Variants in ACBD6 observed in about 807,000 individuals in gnomAD.
ACBD6 encodes acyl-CoA-binding domain-containing protein 6.
ACBD6 carries 28 observed loss-of-function variants against 37.2 expected under a neutral mutation model. The ratio of observed to expected loss-of-function variants is 0.75; its 90% CI spans 0.56 to 1.03. The LOEUF (loss-of-function observed/expected upper bound fraction) is 1.03. ACBD6 is among the 50% of genes least tolerant of loss of function. The pLI is 0.00. For synonymous variants in ACBD6, 113 were observed against 126.8 expected, an observed-to-expected ratio of 0.89 and a Z score of 0.73; for missense variants, 340 against 337.4, an observed-to-expected ratio of 1.01 and a Z score of -0.06.
At chr1:180,272,864 T>A (rs541203452) in intron 12 of ACBD6, 2 of 152,218 alleles carry the variant, frequency 1.3e-5, no homozygotes. Flanking sequence ...CAACTGTGGA[T>A]GTGCTTGGGG....
At chr1:180,404,989 C>T (rs944794564) in intron 5 of ACBD6, among the ~76,000 whole-genome samples, 3 of 152,078 alleles carry the variant, frequency 2.0e-5, no homozygotes, top group Non-Finnish European at 4.4e-5. Flanking sequence ...TGCAAATAAG[C>T]GTAATAGACA....
At chr1:180,488,647 T>C (rs948732910) in intron 3 of ACBD6, among the ~76,000 whole-genome samples, 1 of 152,094 alleles carries the variant, frequency 6.6e-6, no homozygotes, top group South Asian at 2.1e-4. Flanking sequence ...CAATCATAGC[T>C]GACTGCAACC....
At chr1:180,374,623 A>G (rs1653369829) in intron 6 of ACBD6, among the ~76,000 whole-genome samples, 4 of 152,204 alleles carry the variant, frequency 2.6e-5, no homozygotes, top group Admixed American at 2.6e-4. Flanking sequence ...GTAATTCTTT[A>G]GAAAATCAAC....
intron 9 of ACBD6, among the ~76,000 whole-genome samples, chr1:180,280,997 T>C (rs1649290982): frequency 6.6e-6 from 1 of 152,238 alleles, no homozygotes; most frequent in Non-Finnish European, 1.5e-5. Flanking sequence ...ATCTTTCTTT[T>C]CAACATACTA....
chr1:180,367,633 C>T (rs11584482), intron 6 of ACBD6, among the ~76,000 whole-genome samples: 73 of 152,230 alleles, frequency 4.8e-4, no homozygotes, highest in Non-Finnish European at 8.1e-4. Context: ...TAAATGAGAA[C>T]GTGCAGTATT....
intron 4 of ACBD6, among the ~76,000 whole-genome samples, chr1:180,428,747 A>G (rs1321683289): frequency 1.3e-5 from 2 of 152,268 alleles, no homozygotes; most frequent in Non-Finnish European, 1.5e-5. Flanking sequence ...TGATTTACAG[A>G]TAAGTGACTG....
intron 6 of ACBD6, among the ~76,000 whole-genome samples, chr1:180,370,334 T>C (rs190781361): frequency 6.6e-6 from 1 of 152,310 alleles, no homozygotes. Flanking sequence ...TGTGTGTTTG[T>C]GTGTGTGCAT....
intron 5 of ACBD6, among the ~76,000 whole-genome samples, chr1:180,409,433 G>A (rs939287269): frequency 6.6e-6 from 1 of 152,118 alleles, no homozygotes; most frequent in African/African-American, 2.4e-5. Context: ...TGTGTTTTTT[G>A]TAAATTGAAG....
intron 6 of ACBD6, among the ~76,000 whole-genome samples, chr1:180,316,783 A>G (rs1223886954): frequency 2.6e-5 from 4 of 152,212 alleles, no homozygotes; most frequent in Admixed American, 6.5e-5. Context: ...AAACAATGAA[A>G]TGAATGAGAC....
At position 180,444,742 on chromosome 1, in the gene ACBD6, G is replaced by A. The variant is rs112354803; in HGVS notation, c.385-14480C>T. Reference sequence around the variant, plus strand: ...ATTAAATAGAGTCCAATTTGGCAGCGAACAGGATAAAATTTGCCAGTTCTT... The same window carrying A: ...ATTAAATAGAGTCCAATTTGGCAGCAAACAGGATAAAATTTGCCAGTTCTT... On this transcript the variant is annotated intron_variant, in intron 3 of 7. Coordinates refer to ENST00000367595, the MANE Select transcript of ACBD6 (RefSeq NM_032360.4). Among the ~76,000 whole-genome samples, 846 of 152,196 alleles carry A rather than the reference G, an allele frequency of 5.6e-3. 7 individuals carry two copies. The highest frequency in any genetic ancestry group is 1.0e-2 in the Non-Finnish European group (677 of 68,002).
In ACBD6 at chr1:180,414,405, G is replaced by C. The variant is rs1182598721; in HGVS notation, c.468-934C>G. Among the ~76,000 whole-genome samples, 3 of 152,224 alleles carry C rather than the reference G, an allele frequency of 2.0e-5. 1 individual carries two copies. Among genetic ancestry groups the C allele is most frequent in the South Asian group, 4.1e-4 (2 of 4,834 alleles). On this transcript the variant is annotated intron_variant, in intron 4 of 7. Transcript: ENST00000367595. ...TCAGAAAGCAAAACACCTGGTCATA[G>C]GAGTTCTTCTATCCTAAAAGCCAAT...
At chr1:180,401,938 G>A (rs1647390957) in intron 5 of ACBD6, among the ~76,000 whole-genome samples, 1 of 151,988 alleles carries the variant, frequency 6.6e-6, no homozygotes, top group African/African-American at 2.4e-5. Context: ...TGGCAAATTT[G>A]GTATATTTAA....
intron 3 of ACBD6, chr1:180,435,137 AG>A: frequency 1.4e-6 from 1 of 723,278 alleles, no homozygotes; most frequent in South Asian, 1.5e-5. Flanking sequence ...AAATCAAGAC[AG>A]GGTACAAGCA....
At chr1:180,392,603 T>C (rs1244733069) in intron 6 of ACBD6, among the ~76,000 whole-genome samples, 1 of 152,178 alleles carries the variant, frequency 6.6e-6, no homozygotes, top group Non-Finnish European at 1.5e-5. Flanking sequence ...ATGCACATTA[T>C]GGCATTGATG....
At chr1:180,447,006 G>A (rs917603792) in intron 3 of ACBD6, among the ~76,000 whole-genome samples, 2 of 152,024 alleles carry the variant, frequency 1.3e-5, no homozygotes, top group African/African-American at 4.8e-5. Flanking sequence ...ACCCCCGACA[G>A]TCCAGCCTGG....
At chr1:180,350,504 C>T (rs189531867) in intron 6 of ACBD6, among the ~76,000 whole-genome samples, 166 of 152,268 alleles carry the variant, frequency 1.1e-3, no homozygotes, top group African/African-American at 3.9e-3. Context: ...CACTGGTATT[C>T]CTTCCTATTC....
intron 6 of ACBD6, among the ~76,000 whole-genome samples, chr1:180,394,968 A>T (rs1455492483): frequency 6.6e-6 from 1 of 152,196 alleles, no homozygotes; most frequent in Non-Finnish European, 1.5e-5. Flanking sequence ...AATACCATCA[A>T]TACAATGGGA....
downstream of ACBD6, among the ~76,000 whole-genome samples, chr1:180,286,379 A>G (rs1243993340): frequency 3.3e-5 from 5 of 152,232 alleles, no homozygotes; most frequent in Non-Finnish European, 5.9e-5. Context: ...TCAAGTTCGA[A>G]CTGCTAAAGA....
chr1:180,331,040 C>A (rs1261642320), intron 6 of ACBD6, among the ~76,000 whole-genome samples: 1 of 152,194 alleles, frequency 6.6e-6, no homozygotes, highest in Non-Finnish European at 1.5e-5. Context: ...GAGGTTTCTT[C>A]TCTCCAGGAG....
Sources: allele counts gnomAD v4.1 joint callset (sites outside exome capture counted in the v4.1 genomes callset), GRCh38; gene constraint gnomAD v4.1.1; transcripts MANE v1.5; gene names NCBI Gene and HGNC (gene_info 2026-07-23, HGNC 2026-07-21).